The following PDE3A variants were observed in gnomAD, a reference collection of about 807,000 sequenced individuals.
PDE3A encodes the protein phosphodiesterase 3A, also known as cGMP-inhibited 3',5'-cyclic phosphodiesterase 3A.
Under a neutral mutation model 98.3 loss-of-function variants are expected in PDE3A, and 43 were observed. The ratio of observed to expected loss-of-function variants is 0.44; its 90% CI spans 0.34 to 0.56. The LOEUF (loss-of-function observed/expected upper bound fraction) is 0.56. Among genes scored for constraint, PDE3A ranks in the 20% least tolerant of loss-of-function variants. The pLI is 0.01. For missense variants in PDE3A, 1,427 were observed against 1,440.7 expected (o/e 0.99, Z 0.15); for synonymous variants, 663 against 567.9 (o/e 1.17, Z -2.38).
chr12:20,625,922 T>C (rs1043292730), intron 5 of PDE3A, among the ~76,000 whole-genome samples: 11 of 152,206 alleles, frequency 7.2e-5, no homozygotes, highest in Non-Finnish European at 2.9e-5. Context: ...TCATGAGCTA[T>C]GTCTTCTTCC....
chr12:20,622,208 A>G (rs1040545727), intron 5 of PDE3A, among the ~76,000 whole-genome samples: 1 of 151,976 alleles, frequency 6.6e-6, no homozygotes, highest in African/African-American at 2.4e-5. Flanking sequence ...TGGCAACCCC[A>G]AACTCCAATT....
intron 2 of PDE3A, among the ~76,000 whole-genome samples, chr12:20,590,433 G>A (rs986452067): frequency 1.3e-5 from 2 of 149,492 alleles, no homozygotes; most frequent in Middle Eastern, 3.4e-3. Flanking sequence ...TTCAAGGAAC[G>A]AGAGACCAAC....
intron 15 of PDE3A, among the ~76,000 whole-genome samples, chr12:20,656,986 A>G (rs1945057989): frequency 6.6e-6 from 1 of 152,230 alleles, no homozygotes. Context: ...AGCAGGAATG[A>G]GAGACTTTTT....
intron 2 of PDE3A, among the ~76,000 whole-genome samples, chr12:20,588,983 C>A (rs988595504): frequency 3.3e-5 from 5 of 152,172 alleles, no homozygotes; most frequent in African/African-American, 4.8e-5. Context: ...AGTGTAGTGG[C>A]GCCATTTGGG....
rs183067463 is a variant in PDE3A, at chr12:20,641,088, T to A, written c.2251+1131T>A. On this transcript the variant is annotated intron_variant, in intron 10 of 15. Coordinates refer to ENST00000359062, the MANE Select transcript of PDE3A (RefSeq NM_000921.5). ...GTATCACATCAACTTAGGGATTTAT[T>A]ATGAGCATATTTATTGTTTTCAAAA... 3.1e-3 allele frequency among the ~76,000 whole-genome samples: 472 copies of A among 152,218 alleles called. 4 individuals carry two copies. The highest frequency in any genetic ancestry group is 0.011 in the African/African-American group (445 of 41,536).
At chr12:20,561,273 C>T (rs1260125690) in intron 2 of PDE3A, among the ~76,000 whole-genome samples, 2 of 151,660 alleles carry the variant, frequency 1.3e-5, no homozygotes, top group Non-Finnish European at 2.9e-5. Flanking sequence ...AAAGATATTT[C>T]TAATAGAAAG....
rs71442268 is a variant in PDE3A at position 20,682,978 on chromosome 12, TTTTG to T, written c.*2719_*2722del. The T allele has an allele frequency of 0.032, 4,931 of 152,230 alleles. 110 individuals are homozygous for T. The highest frequency in any genetic ancestry group is 0.061 in the Middle Eastern group (18 of 296). The allele number at this position is 152,230 out of a possible 1,614,324, so 9.4% of individuals were successfully genotyped here. A position where few individuals can be genotyped will look rare whatever the true frequency, so the allele number is the denominator to read the frequency against. ...GTGGAAGTCTCAGCAAACTGCCTGG[TTTTG>T]TTTGTTTGTTTTGTTTTAAGGTACA... On this transcript the variant is annotated 3_prime_UTR_variant, in exon 16 of 16. Transcript: ENST00000359062.
chr12:20,371,073 G>T (rs1164462749), intron 1 of PDE3A, among the ~76,000 whole-genome samples: 1 of 152,164 alleles, frequency 6.6e-6, no homozygotes, highest in Non-Finnish European at 1.5e-5. Context: ...TAATTCGGGA[G>T]GCCATTTCTA....
At chr12:20,551,636 G>A in intron 1 of PDE3A, 1 of 1,585,026 alleles carries the variant, frequency 6.3e-7, no homozygotes. Context: ...TGCGATGAGT[G>A]CGACATGGCC....
At chr12:20,454,679 A>C (rs978566449) in intron 1 of PDE3A, among the ~76,000 whole-genome samples, 1 of 152,080 alleles carries the variant, frequency 6.6e-6, no homozygotes, top group African/African-American at 2.4e-5. Context: ...CTATGTGTCC[A>C]TGTGTTCTCA....
intron 1 of PDE3A, among the ~76,000 whole-genome samples, chr12:20,419,667 A>T (rs1246283422): frequency 6.6e-6 from 1 of 151,930 alleles, no homozygotes. Flanking sequence ...AGAACCACAA[A>T]TAAATGCATT....
At chr12:20,396,177 T>C (rs1944014183) in intron 1 of PDE3A, among the ~76,000 whole-genome samples, 1 of 152,138 alleles carries the variant, frequency 6.6e-6, no homozygotes, top group African/African-American at 2.4e-5. Context: ...CCAATATAAA[T>C]GGTGAAAAAT....
At chr12:20,417,748 A>G (rs1208867900) in intron 1 of PDE3A, among the ~76,000 whole-genome samples, 7 of 152,222 alleles carry the variant, frequency 4.6e-5, no homozygotes, top group African/African-American at 1.7e-4. Flanking sequence ...CTGAAATGAA[A>G]AAAATGTAGG....
At chr12:20,551,477 C>A in intron 1 of PDE3A, 4 of 672,870 alleles carry the variant, frequency 5.9e-6, no homozygotes, top group Non-Finnish European at 1.0e-5. Context: ...GGTGGTGGTG[C>A]ATGGCCGTTC....
chr12:20,388,894 T>A (rs1943862872), intron 1 of PDE3A, among the ~76,000 whole-genome samples: 1 of 152,018 alleles, frequency 6.6e-6, no homozygotes, highest in Admixed American at 6.6e-5. Flanking sequence ...TAATATTTTT[T>A]AAAATGGTGC....
At chr12:20,478,256 G>C (rs192416538) in intron 1 of PDE3A, among the ~76,000 whole-genome samples, 8 of 152,238 alleles carry the variant, frequency 5.3e-5, no homozygotes, top group Admixed American at 1.3e-4. Context: ...TACCAGATTG[G>C]AAGGAGCAAT....
At chr12:20,608,812 A>G (rs944527193) in intron 2 of PDE3A, among the ~76,000 whole-genome samples, 1 of 152,040 alleles carries the variant, frequency 6.6e-6, no homozygotes, top group Admixed American at 6.6e-5. Context: ...GATTTTGTAT[A>G]CTGAGAACAT....
chr12:20,627,784 G>A (rs901632807), intron 5 of PDE3A, among the ~76,000 whole-genome samples: 8 of 152,074 alleles, frequency 5.3e-5, no homozygotes, highest in East Asian at 1.9e-4. Context: ...TACTCCATCC[G>A]TGGAGCAAGA....
chr12:20,563,107 G>A (rs1474258790), intron 2 of PDE3A, among the ~76,000 whole-genome samples: 3 of 152,136 alleles, frequency 2.0e-5, no homozygotes, highest in Non-Finnish European at 2.9e-5. Context: ...AAGTCTCAAG[G>A]ATGAATTTTG....
Sources: allele counts gnomAD v4.1 joint callset (sites outside exome capture counted in the v4.1 genomes callset), GRCh38; gene constraint gnomAD v4.1.1; transcripts MANE v1.5; gene names NCBI Gene and HGNC (gene_info 2026-07-23, HGNC 2026-07-21).